The following GPHN variants were observed in gnomAD, a reference collection of about 807,000 sequenced individuals.
The protein encoded by GPHN is gephyrin.
In GPHN, 17 loss-of-function variants were observed where a neutral mutation model predicts 95.5. The ratio of observed to expected loss-of-function variants is 0.18; its 90% CI spans 0.12 to 0.27. The LOEUF (loss-of-function observed/expected upper bound fraction) is 0.27. Among genes scored for constraint, GPHN ranks in the 10% least tolerant of loss-of-function variants. The probability of loss-of-function intolerance (pLI) is 1.00; values close to 1 mark genes in which losing one functional copy is unlikely to be tolerated. For missense variants in GPHN, 660 were observed against 978.1 expected (o/e 0.67, Z 4.34); for synonymous variants, 320 against 322.5 (o/e 0.99, Z 0.08).
At chr14:67,138,887 CTTTTTTTTTTTTT>C (rs34446302) in intron 17 of GPHN, among the ~76,000 whole-genome samples, 12 of 94,680 alleles carry the variant, frequency 1.3e-4, no homozygotes, top group Non-Finnish European at 1.8e-4. Context: ...GCATCCTCTC[CTTTTTTTTTTTTT>C]TTTTTTTTTT....
At chr14:67,643,527 A>G in the GPHN span, among the ~76,000 whole-genome samples, 57 of 152,322 alleles carry the variant, frequency 3.7e-4, no homozygotes, top group African/African-American at 1.1e-3. Flanking sequence ...GGACAGATAT[A>G]TAAGAACTTA....
the GPHN span, among the ~76,000 whole-genome samples, chr14:67,247,760 G>A: frequency 6.6e-6 from 1 of 151,972 alleles, no homozygotes; most frequent in Non-Finnish European, 1.5e-5. Context: ...TGTATTTTTA[G>A]TAGAGACAGG....
the GPHN span, among the ~76,000 whole-genome samples, chr14:67,213,959 G>T: frequency 1.3e-5 from 2 of 152,162 alleles, no homozygotes; most frequent in South Asian, 2.1e-4. Flanking sequence ...TGCATAAATG[G>T]CTTCTTTTGA....
At chr14:67,247,575 T>C in the GPHN span, among the ~76,000 whole-genome samples, 1 of 152,160 alleles carries the variant, frequency 6.6e-6, no homozygotes, top group African/African-American at 2.4e-5. Flanking sequence ...GTAGCATCTT[T>C]ATCTTGTTCA....
chr14:66,802,941 C>G (rs917795435), intron 3 of GPHN, among the ~76,000 whole-genome samples: 1 of 152,060 alleles, frequency 6.6e-6, no homozygotes, highest in Non-Finnish European at 1.5e-5. Context: ...TGTCAGTACT[C>G]CCTTAGATGG....
At chr14:66,691,633 A>G (rs1315305224) in intron 2 of GPHN, among the ~76,000 whole-genome samples, 2 of 152,204 alleles carry the variant, frequency 1.3e-5, no homozygotes, top group African/African-American at 4.8e-5. Context: ...GAATTATAAT[A>G]GCAGAGATGA....
chr14:67,730,293 G>A, the GPHN span, among the ~76,000 whole-genome samples: 1 of 152,156 alleles, frequency 6.6e-6, no homozygotes, highest in African/African-American at 2.4e-5. Context: ...GTGCCATTCA[G>A]TATGGTAGCC....
chr14:67,080,469 C>A (rs1393088148), intron 11 of GPHN, among the ~76,000 whole-genome samples: 2 of 150,382 alleles, frequency 1.3e-5, no homozygotes, highest in Admixed American at 1.3e-4. Flanking sequence ...TGTCATATCC[C>A]AAAAAAAAAT....
At chr14:67,204,963 TGTCACAGAA>T in the GPHN span, 2 of 1,600,802 alleles carry the variant, frequency 1.2e-6, no homozygotes, top group Non-Finnish European at 1.7e-6. Flanking sequence ...ATGTAAGAAT[TGTCACAGAA>T]GTCATAGAAG....
the GPHN span, chr14:67,579,029 C>T: frequency 2.1e-5 from 16 of 752,802 alleles, no homozygotes; most frequent in African/African-American, 2.8e-4. Flanking sequence ...TCACAACCTG[C>T]CCCAGCTACA....
chr14:66,809,900 G>A (rs1288360608), intron 3 of GPHN, among the ~76,000 whole-genome samples: 1 of 151,926 alleles, frequency 6.6e-6, no homozygotes, highest in African/African-American at 2.4e-5. Flanking sequence ...TTTTAAAGCA[G>A]AACTTAGTAT....
chr14:67,018,846 GAAA>G lies in GPHN; in HGVS notation c.964-4786_964-4784del, dbSNP rs569815267. ...ACAATCTTTATTTTTTTTCTGTGAG[GAAA>G]CTGAGATTATGGGAGGGCCCAGAGC... On this transcript the variant is annotated intron_variant, in intron 9 of 22. Coordinates refer to ENST00000478722, the MANE Select transcript of GPHN (RefSeq NM_020806.5). Among the ~76,000 whole-genome samples the G allele has an allele frequency of 3.1e-3, 469 of 152,164 alleles. 2 individuals carry two copies. The highest frequency in any genetic ancestry group is 4.0e-3 in the Non-Finnish European group (269 of 67,996).
At chr14:66,822,280 G>C (rs1269240161) in intron 3 of GPHN, among the ~76,000 whole-genome samples, 1 of 152,132 alleles carries the variant, frequency 6.6e-6, no homozygotes, top group Non-Finnish European at 1.5e-5. Context: ...AAATCTTTTT[G>C]GGCCTACCCA....
Position 67,100,876 on chromosome 14 carries a change from C to T in GPHN, c.1258C>T (p.Arg420Cys). ...CACAGCTGCTGATGGCCCAGGAGAT[C>T]GTTTCATCATTGGGGAATCCCAAGC... ...AVRAADGPGD[R>C]FIIGESQAGE... Residue 420 changes from arginine to cysteine, a missense_variant, in exon 13 of 23, where the codon CGT (arginine) becomes TGT (cysteine). Physicochemically the swap from Arg to Cys is radical, Grantham distance 180 (BLOSUM62 -3). Coordinates refer to ENST00000478722, the MANE Select transcript of GPHN (RefSeq NM_020806.5). 1.2e-6 allele frequency: 2 copies of T among 1,607,612 alleles called. No homozygotes were observed. Among genetic ancestry groups the T allele is most frequent in the Non-Finnish European group, 1.7e-6 (2 of 1,174,078 alleles).
At chr14:67,568,646 A>T in the GPHN span, among the ~76,000 whole-genome samples, 115 of 152,314 alleles carry the variant, frequency 7.6e-4, no homozygotes, top group Admixed American at 5.8e-3. Flanking sequence ...AGAATTTTTT[A>T]AAAATGTGCC....
intron 1 of GPHN, among the ~76,000 whole-genome samples, chr14:66,569,165 TAAG>T (rs1288861725): frequency 1.3e-5 from 2 of 152,204 alleles, no homozygotes; most frequent in South Asian, 2.1e-4. Context: ...TATTCTCCCT[TAAG>T]AAGTTACCAA....
the GPHN span, among the ~76,000 whole-genome samples, chr14:67,499,917 G>A: frequency 3.3e-5 from 5 of 152,164 alleles, no homozygotes; most frequent in Non-Finnish European, 7.3e-5. Flanking sequence ...ACACCTGGGG[G>A]CTGCGGATTA....
chr14:66,713,465 T>G (rs1418321739), intron 2 of GPHN, among the ~76,000 whole-genome samples: 1 of 152,152 alleles, frequency 6.6e-6, no homozygotes, highest in African/African-American at 2.4e-5. Flanking sequence ...TATTCCTGGT[T>G]TCTCTATTCT....
At position 66,897,353 on chromosome 14, in the gene GPHN, C is replaced by G. The variant is rs1242223299; in HGVS notation, c.389+17320C>G. On this transcript the variant is annotated intron_variant, in intron 5 of 22. Coordinates refer to ENST00000478722, the MANE Select transcript of GPHN (RefSeq NM_020806.5). ...GATTTCCTTTCTTTTAGATATATAC[C>G]CAGTAGTGCAATTGCTGGATCATAT... Among the ~76,000 whole-genome samples the G allele has an allele frequency of 5.3e-5, 8 of 151,894 alleles. No homozygotes were observed. In the South Asian group the frequency reaches 1.0e-3, roughly 20 times the overall value.
Sources: gnomAD v4.1 joint callset for allele counts (sites outside exome capture counted in the v4.1 genomes callset) on GRCh38, gnomAD v4.1.1 for gene constraint, MANE v1.5 for transcripts, NCBI Gene and HGNC (gene_info 2026-07-23, HGNC 2026-07-21) for gene names.